Variants in MORN3 observed in about 807,000 individuals in gnomAD.
The protein encoded by MORN3 is MORN repeat-containing protein 3.
In MORN3, 38 loss-of-function variants were observed where a neutral mutation model predicts 34.7. The observed-to-expected ratio is 1.10, with a 90% CI of 0.85 to 1.44. MORN3 has a LOEUF of 1.44. Ranked by LOEUF, MORN3 falls within the 40% of genes most tolerant of loss-of-function variation. The pLI, the probability that MORN3 is intolerant of heterozygous loss-of-function variation, is 0.00. For missense variants in MORN3, 311 were observed against 321.7 expected (o/e 0.97, Z 0.25); for synonymous variants, 109 against 115.3 (o/e 0.95, Z 0.35).
chr12:121,668,380 A>T (rs558708134), intron 1 of MORN3, among the ~76,000 whole-genome samples: 1 of 152,164 alleles, frequency 6.6e-6, no homozygotes, highest in East Asian at 1.9e-4. Flanking sequence ...CCGTCTTACT[A>T]AAAATACAAA....
intron 1 of MORN3, among the ~76,000 whole-genome samples, chr12:121,662,697 G>A (rs941645059): frequency 1.4e-4 from 21 of 151,070 alleles, no homozygotes; most frequent in African/African-American, 4.9e-4. Context: ...AGGTTGTAGT[G>A]AGCCGAGATC....
chr12:121,659,276 C>T lies in MORN3; in HGVS notation c.218G>A (p.Gly73Asp). The T allele has an allele frequency of 6.2e-7, 1 of 1,614,048 alleles. No homozygotes were observed. Among genetic ancestry groups the T allele is most frequent in the Non-Finnish European group, 8.5e-7 (1 of 1,180,004 alleles). ...GTCAGGAAGGCTGAGGGTGCCGTAGCCGTCTCGCTTCCCAAACTTCCAGTC... is the reference window on the plus strand; with the variant it reads ...GTCAGGAAGGCTGAGGGTGCCGTAGTCGTCTCGCTTCCCAAACTTCCAGTC... ...EGDWKFGKRD[G>D]YGTLSLPDQQ... The change falls in exon 2 of 6, where the codon GGC becomes GAC. Residue 73 changes from glycine to aspartate, a missense_variant. By Grantham distance (94) the Gly-to-Asp change is moderately conservative. Transcript: ENST00000355329.
intron 1 of MORN3, among the ~76,000 whole-genome samples, chr12:121,660,186 A>G (rs1159475724): frequency 7.1e-6 from 1 of 141,654 alleles, no homozygotes; most frequent in Admixed American, 6.8e-5. Flanking sequence ...GTGAGCCGAG[A>G]TGACGTCGTT....
chr12:121,653,031 C>G (rs967053355), intron 4 of MORN3, 44 bp downstream of exon 4: 12 of 1,550,866 alleles, frequency 7.7e-6, no homozygotes, highest in Non-Finnish European at 1.0e-5. Context: ...TGGCTTCTGT[C>G]TCTGTCTGGG....
chr12:121,672,357 G>C (rs975911583), upstream of MORN3, among the ~76,000 whole-genome samples: 11 of 152,140 alleles, frequency 7.2e-5, no homozygotes, highest in African/African-American at 2.7e-4. Context: ...CTGCGCGGGA[G>C]GCTGAGGTGG....
Position 121,650,182 on chromosome 12 carries a change from C to T in MORN3, c.*1469G>A, listed in dbSNP as rs1182325919. 1 of 151,968 alleles carries T rather than the reference C, an allele frequency of 6.6e-6. No homozygotes were observed. Among genetic ancestry groups the T allele is most frequent in the Non-Finnish European group, 1.5e-5 (1 of 68,032 alleles). 9.4% of individuals were successfully genotyped at this position (151,968 alleles called of 1,614,324 possible). ...TGACATTCCTGAGAACACACAGCTC[C>T]GAGATTCACGCCCAGGCACTGTGAC... is the stretch of plus-strand genomic sequence containing the variant. On this transcript the variant is annotated 3_prime_UTR_variant, in exon 6 of 6. Coordinates refer to ENST00000355329, the MANE Select transcript of MORN3 (RefSeq NM_173855.5).
chr12:121,652,930 G>C (rs1594219180), intron 4 of MORN3, 122 bp from the exon 5 acceptor site: 1 of 1,423,334 alleles, frequency 7.0e-7, no homozygotes, highest in East Asian at 2.3e-5. Flanking sequence ...TCCCTTGCTA[G>C]GGATGCCCTG....
intron 1 of MORN3, among the ~76,000 whole-genome samples, chr12:121,660,493 G>C (rs1464684294): frequency 6.7e-6 from 1 of 149,024 alleles, no homozygotes; most frequent in Non-Finnish European, 1.5e-5. Context: ...TAGAATTACA[G>C]GTGCCCGCCA....
upstream of MORN3, among the ~76,000 whole-genome samples, chr12:121,670,045 T>C (rs1315153445): frequency 1.3e-5 from 2 of 151,736 alleles, no homozygotes; most frequent in Non-Finnish European, 2.9e-5. Context: ...GGCTAATTTT[T>C]GTATTTTTAG....
rs2136874305 is a variant in MORN3 at position 121,659,360 on chromosome 12, C to G, written c.146-12G>C. 1 of 1,613,318 alleles carries G rather than the reference C, an allele frequency of 6.2e-7. No homozygotes were observed. Among genetic ancestry groups the G allele is most frequent in the South Asian group, 1.1e-5 (1 of 91,062 alleles). On this transcript the variant is annotated splice_polypyrimidine_tract_variant and intron_variant, in intron 1 of 5. Transcript: ENST00000355329. The stretch of plus-strand genomic sequence containing the variant: ...CTGTGTTCCTTTCCCTGGTGACACA[C>G]AGATGGGCAATGCTGCAGACATGGC...
intron 1 of MORN3, among the ~76,000 whole-genome samples, chr12:121,666,718 G>C (rs955769542): frequency 1.3e-5 from 2 of 151,938 alleles, no homozygotes; most frequent in Non-Finnish European, 2.9e-5. Flanking sequence ...GGGGTGCTTC[G>C]TTCTCCTGCT....
upstream of MORN3, among the ~76,000 whole-genome samples, chr12:121,671,773 G>C (rs1003797260): frequency 1.3e-5 from 2 of 151,906 alleles, no homozygotes; most frequent in South Asian, 2.1e-4. Context: ...CCAGCTACTC[G>C]GGAGGCTGAG....
At chr12:121,652,944 G>A in intron 4 of MORN3, 131 bp downstream of exon 4, 1 of 1,437,682 alleles carries the variant, frequency 7.0e-7, no homozygotes, top group Admixed American at 2.0e-5. Flanking sequence ...TGCCCTGACT[G>A]AAAACAAAAC....
intron 1 of MORN3, among the ~76,000 whole-genome samples, chr12:121,660,355 C>CT (rs200327265): frequency 0.013 from 1,653 of 128,720 alleles, 64 homozygotes; most frequent in African/African-American, 0.042. Flanking sequence ...TTCTTTCTTT[C>CT]TTTTTTTTTT....
chr12:121,667,730 C>CT (rs1206681304), intron 1 of MORN3, among the ~76,000 whole-genome samples: 1,602 of 138,862 alleles, frequency 0.012, 31 homozygotes, highest in African/African-American at 0.04. Flanking sequence ...TTTTTTTTTT[C>CT]TTTTTTTTTT....
At chr12:121,664,886 A>AC (rs1175725421) in intron 1 of MORN3, among the ~76,000 whole-genome samples, 126 of 150,978 alleles carry the variant, frequency 8.3e-4, no homozygotes, top group African/African-American at 2.9e-3. Context: ...AAAAAAAAAA[A>AC]AGACACTGAT....
intron 1 of MORN3, among the ~76,000 whole-genome samples, chr12:121,669,120 G>C (rs982240000): frequency 6.6e-6 from 1 of 152,208 alleles, no homozygotes; most frequent in African/African-American, 2.4e-5. Flanking sequence ...TCTGTCCACT[G>C]CTGGTCCTGA....
intron 1 of MORN3, among the ~76,000 whole-genome samples, chr12:121,662,180 C>T (rs1893604394): frequency 6.6e-6 from 1 of 151,578 alleles, no homozygotes; most frequent in Non-Finnish European, 1.5e-5. Context: ...GATTTGGAGA[C>T]CTAAGGCTGG....
At chr12:121,661,986 A>G (rs1320250775) in intron 1 of MORN3, among the ~76,000 whole-genome samples, 1 of 151,930 alleles carries the variant, frequency 6.6e-6, no homozygotes, top group Non-Finnish European at 1.5e-5. Flanking sequence ...TCTGGAGGAC[A>G]TTATGCCAAG....
Sources: allele counts gnomAD v4.1 joint callset (sites outside exome capture counted in the v4.1 genomes callset), GRCh38; gene constraint gnomAD v4.1.1; transcripts MANE v1.5; gene names NCBI Gene and HGNC (gene_info 2026-07-23, HGNC 2026-07-21).